The following UBE2R2 variants were observed in gnomAD, a reference collection of about 807,000 sequenced individuals.
The protein encoded by UBE2R2 is ubiquitin-conjugating enzyme E2 R2.
In UBE2R2, 1 loss-of-function variant was observed where a neutral mutation model predicts 27.8. That is an observed-to-expected ratio of 0.04 (90% CI 0.01 to 0.17). The LOEUF is 0.17. UBE2R2 is among the 10% of genes least tolerant of loss of function. The pLI is 1.00. For missense variants in UBE2R2, 100 were observed against 291.0 expected (o/e 0.34, Z 4.78); for synonymous variants, 106 against 113.3 (o/e 0.94, Z 0.41).
At chr9:33,903,156 G>A (rs1445231122) in intron 3 of UBE2R2, among the ~76,000 whole-genome samples, 1 of 152,048 alleles carries the variant, frequency 6.6e-6, no homozygotes. Flanking sequence ...GTATGTTTGA[G>A]GGTGCTACGT....
intron 4 of UBE2R2, among the ~76,000 whole-genome samples, chr9:33,915,937 T>C (rs957368413): frequency 2.0e-5 from 3 of 152,142 alleles, no homozygotes; most frequent in African/African-American, 7.2e-5. Context: ...GAGCCAGGCA[T>C]GTGTGGGGCA....
intron 1 of UBE2R2, 142 bp downstream of exon 1, chr9:33,818,076 C>T (rs900203552): frequency 2.1e-5 from 19 of 917,814 alleles, no homozygotes; most frequent in Non-Finnish European, 2.8e-5. Flanking sequence ...TCCCCCATCC[C>T]TGGAGGCAGG....
At chr9:33,894,547 C>T (rs1369548716) in intron 2 of UBE2R2, among the ~76,000 whole-genome samples, 2 of 152,032 alleles carry the variant, frequency 1.3e-5, no homozygotes, top group Non-Finnish European at 2.9e-5. Context: ...AGTCCTCCCA[C>T]ATCCACCTCC....
At chr9:33,859,424 A>C (rs567562806) in intron 1 of UBE2R2, among the ~76,000 whole-genome samples, 1 of 152,286 alleles carries the variant, frequency 6.6e-6, no homozygotes, top group Non-Finnish European at 1.5e-5. Flanking sequence ...ATAGTTTTAG[A>C]TCCTTGAGAA....
At chr9:33,909,225 G>A (rs1303478216) in intron 3 of UBE2R2, among the ~76,000 whole-genome samples, 1 of 151,896 alleles carries the variant, frequency 6.6e-6, no homozygotes, top group Non-Finnish European at 1.5e-5. Flanking sequence ...GGTGGCTCAC[G>A]CCTGTAGTCC....
At chr9:33,828,754 A>T (rs1377943128) in intron 1 of UBE2R2, among the ~76,000 whole-genome samples, 1 of 139,378 alleles carries the variant, frequency 7.2e-6, no homozygotes, top group African/African-American at 2.7e-5. Flanking sequence ...TTTTTTTGAG[A>T]TGGAGTTTTG....
chr9:33,906,113 CTGTTGTTGTTGTTGT>C (rs3060468), intron 3 of UBE2R2, among the ~76,000 whole-genome samples: 1 of 151,160 alleles, frequency 6.6e-6, no homozygotes, highest in East Asian at 2.0e-4. Flanking sequence ...GTCGTTGTTG[CTGTTGTTGTTGTTGT>C]TGTTGTTGTT....
chr9:33,870,767 T>TTAGC (rs1187814644), intron 1 of UBE2R2, among the ~76,000 whole-genome samples: 3 of 152,218 alleles, frequency 2.0e-5, no homozygotes, highest in Non-Finnish European at 4.4e-5. Flanking sequence ...AGTGATACAG[T>TTAGC]TAGCTCAATG....
At chr9:33,884,490 G>A (rs995071875) in intron 1 of UBE2R2, among the ~76,000 whole-genome samples, 1 of 151,556 alleles carries the variant, frequency 6.6e-6, no homozygotes, top group Non-Finnish European at 1.5e-5. Flanking sequence ...CCTTGCCTAG[G>A]CTTGTCTGAA....
chr9:33,861,120 G>A (rs1195507366), intron 1 of UBE2R2, among the ~76,000 whole-genome samples: 3 of 151,156 alleles, frequency 2.0e-5, no homozygotes, highest in Non-Finnish European at 3.0e-5. Context: ...CACCACGCCC[G>A]GCCAATTTTT....
intron 1 of UBE2R2, among the ~76,000 whole-genome samples, chr9:33,843,450 G>T (rs1820774131): frequency 6.6e-6 from 1 of 151,732 alleles, no homozygotes; most frequent in Non-Finnish European, 1.5e-5. Context: ...AATTTGTCTG[G>T]AAATGGAGGT....
intron 1 of UBE2R2, among the ~76,000 whole-genome samples, chr9:33,884,212 C>T (rs1482563161): frequency 2.1e-5 from 3 of 143,750 alleles, no homozygotes; most frequent in African/African-American, 7.7e-5. Flanking sequence ...CTCTCTCTCT[C>T]TCTCTCTCTC....
At position 33,917,530 on chromosome 9, in the gene UBE2R2, T is replaced by G; in HGVS notation, c.*293T>G. The G allele has an allele frequency of 1.8e-6, 1 of 545,548 alleles. No homozygotes were observed. The highest frequency in any genetic ancestry group is 3.2e-6 in the Non-Finnish European group (1 of 312,510). The allele number at this position is 545,548 out of a possible 1,614,324, so 33.8% of individuals were successfully genotyped here. ...ACCCAAACTCCCGCCTCACTTCGTC[T>G]CTACAGAATGTTCACAGCAAAACAC... On this transcript the variant is annotated 3_prime_UTR_variant, in exon 5 of 5. Coordinates refer to ENST00000263228, the MANE Select transcript of UBE2R2 (RefSeq NM_017811.4).
chr9:33,910,793 G>A (rs1241658582), intron 3 of UBE2R2, among the ~76,000 whole-genome samples: 1 of 152,190 alleles, frequency 6.6e-6, no homozygotes, highest in African/African-American at 2.4e-5. Flanking sequence ...TTCAGGTTAA[G>A]AGGCCACAAT....
chr9:33,835,155 T>TTC (rs1820589065), intron 1 of UBE2R2, among the ~76,000 whole-genome samples: 1 of 149,360 alleles, frequency 6.7e-6, no homozygotes, highest in Admixed American at 6.7e-5. Flanking sequence ...GTTTTTTTTT[T>TTC]TTTTTTTTTT....
chr9:33,820,724 G>C (rs972867898), intron 1 of UBE2R2, among the ~76,000 whole-genome samples: 4 of 152,168 alleles, frequency 2.6e-5, no homozygotes, highest in Non-Finnish European at 5.9e-5. Flanking sequence ...ATAGTCATTC[G>C]TGAAGGCAGT....
chr9:33,903,604 A>C (rs931328612), intron 3 of UBE2R2, among the ~76,000 whole-genome samples: 1 of 152,194 alleles, frequency 6.6e-6, no homozygotes, highest in African/African-American at 2.4e-5. Flanking sequence ...ATCTCAGCTT[A>C]AAGTATTATG....
chr9:33,909,006 T>TTAAATAAATAAA (rs138047093), intron 3 of UBE2R2, among the ~76,000 whole-genome samples: 2,669 of 150,250 alleles, frequency 0.018, 75 homozygotes, highest in African/African-American at 0.056. Context: ...GACCCTGTCT[T>TTAAATAAATAAA]TAAATAAATA....
chr9:33,822,450 A>G (rs2069696308), intron 1 of UBE2R2, among the ~76,000 whole-genome samples: 1 of 132,110 alleles, frequency 7.6e-6, no homozygotes, highest in Non-Finnish European at 1.6e-5. Context: ...TTTAAGAGAT[A>G]GGGTCTCACT....
Sources: gnomAD v4.1 joint callset for allele counts (sites outside exome capture counted in the v4.1 genomes callset) on GRCh38, gnomAD v4.1.1 for gene constraint, MANE v1.5 for transcripts, NCBI Gene and HGNC (gene_info 2026-07-23, HGNC 2026-07-21) for gene names.